Variants in KCNIP4 observed in about 807,000 individuals in gnomAD.
The protein encoded by KCNIP4 is potassium voltage-gated channel interacting protein 4.
Under a neutral mutation model 34.0 loss-of-function variants are expected in KCNIP4, and 12 were observed. That is an observed-to-expected ratio of 0.35 (90% CI 0.23 to 0.57). KCNIP4 has a LOEUF of 0.57. Ranked by LOEUF, KCNIP4 falls within the 20% of genes least tolerant of loss-of-function variation. KCNIP4 has a pLI of 0.83. For synonymous variants in KCNIP4, 124 were observed against 102.2 expected, an observed-to-expected ratio of 1.21 and a Z score of -1.29; for missense variants, 238 against 311.7, an observed-to-expected ratio of 0.76 and a Z score of 1.78.
At chr4:21,805,300 G>T (rs1721225865) in intron 1 of KCNIP4, among the ~76,000 whole-genome samples, 1 of 152,120 alleles carries the variant, frequency 6.6e-6, no homozygotes, top group Non-Finnish European at 1.5e-5. Flanking sequence ...ATCTTGACTT[G>T]TACTCTCCAT....
At chr4:21,606,639 G>A (rs2109134665) in intron 1 of KCNIP4, among the ~76,000 whole-genome samples, 1 of 152,190 alleles carries the variant, frequency 6.6e-6, no homozygotes, top group South Asian at 2.1e-4. Flanking sequence ...TGTTACCCAG[G>A]CTGGAGTGCA....
At chr4:21,940,587 T>A (rs1251799872) in intron 1 of KCNIP4, among the ~76,000 whole-genome samples, 6 of 152,184 alleles carry the variant, frequency 3.9e-5, no homozygotes, top group Non-Finnish European at 8.8e-5. Context: ...CTAAGTAGTT[T>A]CTTTGTAAAT....
At chr4:21,258,748 A>C (rs1185840902) in intron 1 of KCNIP4, among the ~76,000 whole-genome samples, 1 of 152,028 alleles carries the variant, frequency 6.6e-6, no homozygotes, top group African/African-American at 2.4e-5. Flanking sequence ...TTATTTTAAA[A>C]CTTAAATCGC....
rs114790210 is a variant in KCNIP4, at chr4:21,352,636, G to A, written c.62-469927C>T. 5.7e-3 allele frequency among the ~76,000 whole-genome samples: 864 copies of A among 152,352 alleles called. 3 individuals are homozygous for A. Among genetic ancestry groups the A allele is most frequent in the Non-Finnish European group, 9.6e-3 (652 of 68,026 alleles). On this transcript the variant is annotated intron_variant, in intron 1 of 8. Coordinates refer to ENST00000382152, the MANE Select transcript of KCNIP4 (RefSeq NM_025221.6). ...CAAAGCAGCCAGGAAGCCTGAACTG[G>A]GCGGAGCCCACCACAGCTCAGCAAG...
At chr4:21,490,983 T>C (rs1732340629) in intron 1 of KCNIP4, among the ~76,000 whole-genome samples, 1 of 152,064 alleles carries the variant, frequency 6.6e-6, no homozygotes, top group South Asian at 2.1e-4. Flanking sequence ...GGTGCAAAGA[T>C]CTGGAAATGG....
chr4:20,825,225 G>GTTTTTTTT (rs71181592), intron 3 of KCNIP4, among the ~76,000 whole-genome samples: 6 of 113,618 alleles, frequency 5.3e-5, no homozygotes, highest in South Asian at 3.1e-4. Context: ...TCAATTTTAC[G>GTTTTTTTT]TTTTTTTTTT....
chr4:21,304,284 C>T (rs1412034419), intron 1 of KCNIP4, among the ~76,000 whole-genome samples: 1 of 152,190 alleles, frequency 6.6e-6, no homozygotes, highest in African/African-American at 2.4e-5. Flanking sequence ...TCCTCATTAT[C>T]ACTCTTGCAC....
rs28624359 is a variant in KCNIP4 at position 20,775,422 on chromosome 4, C to G, written c.289-16532G>C. On this transcript the variant is annotated intron_variant, in intron 3 of 8. Coordinates refer to ENST00000382152, the MANE Select transcript of KCNIP4 (RefSeq NM_025221.6). ...ATGATTAATAATAACGAGTCCAGGC[C>G]AGACACAGTGGTTCATGCCTGTAAT... Among the ~76,000 whole-genome samples, 489 of 151,764 alleles carry G rather than the reference C, an allele frequency of 3.2e-3. 2 individuals carry two copies. The highest frequency in any genetic ancestry group is 0.011 in the African/African-American group (464 of 41,348).
intron 1 of KCNIP4, among the ~76,000 whole-genome samples, chr4:21,075,695 G>T (rs1338474810): frequency 6.6e-6 from 1 of 152,152 alleles, no homozygotes; most frequent in African/African-American, 2.4e-5. Flanking sequence ...ATGTTAGCTG[G>T]TTGTTTTGCT....
At chr4:21,574,095 A>G (rs886615017) in intron 1 of KCNIP4, among the ~76,000 whole-genome samples, 1 of 151,722 alleles carries the variant, frequency 6.6e-6, no homozygotes, top group Non-Finnish European at 1.5e-5. Context: ...GAAAAATTCT[A>G]ACGACTGTAA....
chr4:21,765,213 T>C (rs1577959003), intron 1 of KCNIP4, among the ~76,000 whole-genome samples: 1 of 150,436 alleles, frequency 6.6e-6, no homozygotes, highest in African/African-American at 2.5e-5. Context: ...TGGAATGGAG[T>C]GATGCGATCT....
At chr4:21,436,971 A>G (rs1455616798) in intron 1 of KCNIP4, among the ~76,000 whole-genome samples, 1 of 152,174 alleles carries the variant, frequency 6.6e-6, no homozygotes, top group African/African-American at 2.4e-5. Flanking sequence ...AACACCTTCA[A>G]TCCTTCAGAT....
chr4:20,816,253 CAAA>C (rs534519786), intron 3 of KCNIP4, among the ~76,000 whole-genome samples: 2 of 84,612 alleles, frequency 2.4e-5, no homozygotes, highest in Admixed American at 1.3e-4. Flanking sequence ...GACTCCATCT[CAAA>C]AAAAAAAAAA....
At position 21,093,433 on chromosome 4, in the gene KCNIP4, T is replaced by C. The variant is rs148009478; in HGVS notation, c.62-210724A>G. ...ATACCTTATAAAATTAGAAAAGCAA[T>C]TGAACAAACTTTAACACTGTGCCCC... On this transcript the variant is annotated intron_variant, in intron 1 of 8. Coordinates refer to ENST00000382152, the MANE Select transcript of KCNIP4 (RefSeq NM_025221.6). Among the ~76,000 whole-genome samples, 1,155 of 152,248 alleles carry C rather than the reference T, an allele frequency of 7.6e-3. 23 individuals are homozygous for C. Among genetic ancestry groups the C allele is most frequent in the African/African-American group, 0.026 (1,098 of 41,546 alleles).
At chr4:20,907,426 CAG>C (rs1727879035) in intron 1 of KCNIP4, among the ~76,000 whole-genome samples, 2 of 152,088 alleles carry the variant, frequency 1.3e-5, no homozygotes, top group South Asian at 4.1e-4. Flanking sequence ...AAAATGTAGA[CAG>C]ATAATCTACC....
chr4:20,974,710 T>A (rs1275691566), intron 1 of KCNIP4, among the ~76,000 whole-genome samples: 1 of 152,174 alleles, frequency 6.6e-6, no homozygotes, highest in Admixed American at 6.5e-5. Flanking sequence ...TACATAGACG[T>A]GAGGCCCAGG....
At chr4:21,886,771 C>T (rs916239251) in intron 1 of KCNIP4, among the ~76,000 whole-genome samples, 6 of 152,118 alleles carry the variant, frequency 3.9e-5, no homozygotes, top group Admixed American at 2.0e-4. Flanking sequence ...CTGTGGCAAC[C>T]ATGGAGGGCA....
At chr4:21,818,460 A>G (rs892855274) in intron 1 of KCNIP4, among the ~76,000 whole-genome samples, 3 of 152,180 alleles carry the variant, frequency 2.0e-5, no homozygotes, top group African/African-American at 7.2e-5. Context: ...CCTAATTGAA[A>G]ACCCCTGATA....
chr4:21,233,957 T>C (rs1759002494), intron 1 of KCNIP4, among the ~76,000 whole-genome samples: 3 of 137,918 alleles, frequency 2.2e-5, no homozygotes, highest in South Asian at 2.1e-4. Context: ...ATATAACATA[T>C]ATAACATATA....
Sources: allele counts gnomAD v4.1 joint callset (sites outside exome capture counted in the v4.1 genomes callset), GRCh38; gene constraint gnomAD v4.1.1; transcripts MANE v1.5; gene names NCBI Gene and HGNC (gene_info 2026-07-23, HGNC 2026-07-21).